Variants in TIAM1 observed in about 807,000 individuals in gnomAD.
The protein encoded by TIAM1 is TIAM Rac1 associated GEF 1.
A neutral mutation model predicts 163.5 loss-of-function variants in TIAM1; 65 were observed. That is an observed-to-expected ratio of 0.40 (90% CI 0.33 to 0.49). TIAM1 has a LOEUF of 0.49. Among genes scored for constraint, TIAM1 ranks in the 20% least tolerant of loss-of-function variants. The pLI, the probability that TIAM1 is intolerant of heterozygous loss-of-function variation, is 0.77. For synonymous variants in TIAM1, 833 were observed against 810.1 expected, an observed-to-expected ratio of 1.03 and a Z score of -0.48; for missense variants, 1,789 against 2,044.7, an observed-to-expected ratio of 0.87 and a Z score of 2.41.
At chr21:31,254,203 T>G (rs1843299992) in intron 4 of TIAM1, among the ~76,000 whole-genome samples, 1 of 152,216 alleles carries the variant, frequency 6.6e-6, no homozygotes, top group Admixed American at 6.5e-5. Context: ...CCAGGCATCT[T>G]GTAATTCCCA....
chr21:31,226,877 A>G (rs572423397), intron 6 of TIAM1, among the ~76,000 whole-genome samples: 205 of 149,346 alleles, frequency 1.4e-3, no homozygotes, highest in Non-Finnish European at 2.5e-3. Context: ...AAAACACTTC[A>G]TTGTTTTTTC....
chr21:31,432,706 A>C (rs2044084710), intron 2 of TIAM1, among the ~76,000 whole-genome samples: 1 of 152,238 alleles, frequency 6.6e-6, no homozygotes, highest in Non-Finnish European at 1.5e-5. Context: ...CAGGGGTGTT[A>C]AAATAAATGA....
At chr21:31,467,235 G>A (rs775256413) in intron 1 of TIAM1, among the ~76,000 whole-genome samples, 3 of 152,208 alleles carry the variant, frequency 2.0e-5, no homozygotes, top group Non-Finnish European at 2.9e-5. Flanking sequence ...CAGAGGCTGA[G>A]GCAAGAGGAT....
chr21:31,219,623 C>T (rs547296803), intron 8 of TIAM1, among the ~76,000 whole-genome samples: 3 of 152,264 alleles, frequency 2.0e-5, no homozygotes, highest in South Asian at 2.1e-4. Flanking sequence ...GGAATCAAAA[C>T]GGCTTCTCTA....
At chr21:31,451,709 ATG>A (rs74745145) in intron 2 of TIAM1, among the ~76,000 whole-genome samples, 54 of 41,646 alleles carry the variant, frequency 1.3e-3, no homozygotes, top group African/African-American at 3.5e-3. Flanking sequence ...GAGTGAAAGC[ATG>A]TGTGTGCGTG....
intron 1 of TIAM1, among the ~76,000 whole-genome samples, chr21:31,513,902 G>C (rs1314409912): frequency 2.0e-5 from 3 of 152,118 alleles, no homozygotes; most frequent in Non-Finnish European, 4.4e-5. Context: ...AGCTACTCCG[G>C]AGGCTCAGGC....
upstream of TIAM1, chr21:31,559,033 C>T (rs1161011945): frequency 6.6e-6 from 1 of 151,796 alleles, no homozygotes; most frequent in Non-Finnish European, 1.5e-5. Flanking sequence ...CAGAGCTGCG[C>T]GCCCGACGGC....
chr21:31,228,219 TTAAAAAAA>T (rs2088118594), intron 6 of TIAM1, among the ~76,000 whole-genome samples: 4 of 17,624 alleles, frequency 2.3e-4, no homozygotes, highest in East Asian at 2.1e-3. Context: ...CCTCCTTTTT[TTAAAAAAA>T]AAAAAAAAAA....
At chr21:31,546,798 T>C (rs1372618874) in intron 1 of TIAM1, among the ~76,000 whole-genome samples, 10 of 152,200 alleles carry the variant, frequency 6.6e-5, no homozygotes, top group Non-Finnish European at 1.5e-4. Flanking sequence ...TTGTTGAAGC[T>C]TGAAAAACCT....
At chr21:31,290,561 C>T (rs1432138604) in intron 2 of TIAM1, among the ~76,000 whole-genome samples, 3 of 145,072 alleles carry the variant, frequency 2.1e-5, no homozygotes, top group East Asian at 4.1e-4. Flanking sequence ...GCAGGAGAAT[C>T]GCTTGAACCC....
rs1263228544 is a variant in TIAM1, at chr21:31,141,290, C to T, written c.3655+35G>A. 5 of 1,613,520 alleles carry T rather than the reference C, an allele frequency of 3.1e-6. No individual in the cohort carries two copies. Among genetic ancestry groups the T allele is most frequent in the Admixed American group, 3.3e-5 (2 of 59,980 alleles). On this transcript the variant is annotated intron_variant, in intron 21 of 27. Coordinates refer to ENST00000541036, the MANE Select transcript of TIAM1 (RefSeq NM_001353694.2). This position sits in a 1 kb window ranked among gnomAD's most constrained non-coding sequence, Gnocchi z 4.7. ...GGCTATTTAGAGACCCTCATGGAGA[C>T]TCAGGCCTGCCGGGGGTCCCAGGCC...
chr21:31,126,685 T>C (rs1276095850), intron 26 of TIAM1, among the ~76,000 whole-genome samples: 1 of 151,768 alleles, frequency 6.6e-6, no homozygotes, highest in Admixed American at 6.6e-5. Flanking sequence ...TTTAGAAAAA[T>C]AAAAGAATAG....
intron 26 of TIAM1, 59 bp from the exon 27 acceptor site, chr21:31,124,753 T>G: frequency 1.4e-6 from 2 of 1,424,752 alleles, no homozygotes; most frequent in Non-Finnish European, 1.9e-6. Context: ...GGGGAACTTC[T>G]AAGGTTATCA....
At chr21:31,432,162 G>A (rs1032375540) in intron 2 of TIAM1, among the ~76,000 whole-genome samples, 64 of 140,812 alleles carry the variant, frequency 4.5e-4, no homozygotes, top group African/African-American at 1.7e-3. Flanking sequence ...GGGCAGTGGC[G>A]TAATCTCAAC....
intron 4 of TIAM1, among the ~76,000 whole-genome samples, chr21:31,253,121 C>T (rs1309365514): frequency 6.6e-6 from 1 of 152,200 alleles, no homozygotes; most frequent in East Asian, 1.9e-4. Flanking sequence ...CAGGCATTTC[C>T]ATAAACAATA....
chr21:31,242,543 T>C (rs2071238170), intron 6 of TIAM1, among the ~76,000 whole-genome samples: 1 of 152,142 alleles, frequency 6.6e-6, no homozygotes, highest in Non-Finnish European at 1.5e-5. Context: ...TGGAAGCTAG[T>C]TGCCTGAGCG....
At chr21:31,171,387 AAC>A (rs1353739367) in intron 15 of TIAM1, among the ~76,000 whole-genome samples, 1 of 152,234 alleles carries the variant, frequency 6.6e-6, no homozygotes, top group Non-Finnish European at 1.5e-5. Context: ...GCTGAAATTA[AAC>A]ACTTTTGTTT....
intron 23 of TIAM1, among the ~76,000 whole-genome samples, chr21:31,133,354 T>G (rs1001439842): frequency 2.6e-5 from 4 of 152,224 alleles, no homozygotes; most frequent in African/African-American, 9.6e-5. Flanking sequence ...TTTTCTCTTA[T>G]GAACTACAGC....
At chr21:31,505,262 G>T (rs371101591) in intron 1 of TIAM1, among the ~76,000 whole-genome samples, 8 of 152,272 alleles carry the variant, frequency 5.3e-5, no homozygotes, top group African/African-American at 1.9e-4. Context: ...AGGATTCAAT[G>T]ATATAACTCA....
Sources: allele counts gnomAD v4.1 joint callset (sites outside exome capture counted in the v4.1 genomes callset), GRCh38; gene constraint gnomAD v4.1.1; non-coding constraint Gnocchi (gnomAD v3.1); transcripts MANE v1.5; gene names NCBI Gene and HGNC (gene_info 2026-07-23, HGNC 2026-07-21).